NEK9: variants seen among roughly 807,000 people sequenced by gnomAD.
The protein encoded by NEK9 is NIMA related kinase 9.
NEK9 carries 75 observed loss-of-function variants against 123.4 expected under a neutral mutation model. The ratio of observed to expected loss-of-function variants is 0.61; its 90% confidence interval spans 0.50 to 0.74. NEK9 has a LOEUF of 0.74. Ranked by LOEUF, NEK9 falls within the 30% of genes least tolerant of loss-of-function variation. The pLI, the probability that NEK9 is intolerant of heterozygous loss-of-function variation, is 0.00. For missense variants in NEK9, 952 were observed against 1,214.4 expected, an observed-to-expected ratio of 0.78 and a Z score of 3.21; for synonymous variants, 438 against 458.7, an observed-to-expected ratio of 0.95 and a Z score of 0.58.
At chr14:75,097,377 C>T in intron 16 of NEK9, 107 bp from the exon 17 acceptor site, 1 of 924,880 alleles carries the variant, frequency 1.1e-6, no homozygotes. Context: ...CCACTATGTA[C>T]TAAACAAGGG....
At chr14:75,092,583 A>G (rs1005790117) in intron 18 of NEK9, among the ~76,000 whole-genome samples, 2 of 152,224 alleles carry the variant, frequency 1.3e-5, no homozygotes, top group African/African-American at 4.8e-5. Flanking sequence ...TCAAAATTTA[A>G]TGTGAATATT....
At chr14:75,106,458 T>C (rs934797830) in intron 12 of NEK9, 44 bp downstream of exon 12, 1 of 1,603,516 alleles carries the variant, frequency 6.2e-7, no homozygotes, top group Non-Finnish European at 8.5e-7. Context: ...TGAAGTCAGG[T>C]TGTATACCTG....
At position 75,084,382 on chromosome 14, in the gene NEK9, C is replaced by A; in HGVS notation, c.*182G>T. 1 of 713,380 alleles carries A rather than the reference C, an allele frequency of 1.4e-6. No homozygotes were observed. Among genetic ancestry groups the A allele is most frequent in the Non-Finnish European group, 2.4e-6 (1 of 423,384 alleles). 44.2% of individuals were successfully genotyped at this position (713,380 alleles called of 1,614,324 possible). ...ATTCTCCAAAACAATAAAATCACTC[C>A]TAGATCCTATCTAAAAGGCAATGCC... On this transcript the variant is annotated 3_prime_UTR_variant, in exon 22 of 22. Coordinates refer to ENST00000238616, the MANE Select transcript of NEK9 (RefSeq NM_033116.6).
At chr14:75,094,988 G>A (rs1341041667) in intron 18 of NEK9, among the ~76,000 whole-genome samples, 1 of 152,062 alleles carries the variant, frequency 6.6e-6, no homozygotes, top group Non-Finnish European at 1.5e-5. Context: ...AAGTTTAGCC[G>A]AGTTTTATTC....
chr14:75,083,220 A>G lies in NEK9; in HGVS notation c.*1344T>C. 1 of 397,678 alleles carries G rather than the reference A, an allele frequency of 2.5e-6. No individual in the cohort carries two copies. The highest frequency in any genetic ancestry group is 4.4e-6 in the Non-Finnish European group (1 of 225,928). The allele number at this position is 397,678 out of a possible 1,614,324, so 24.6% of individuals were successfully genotyped here. A position where few individuals can be genotyped will look rare whatever the true frequency, so the allele number is the denominator to read the frequency against. Reference sequence around the variant, plus strand: ...ATCAAAGGTAGGATGTGTGACACAAAATACCACAGGAACATTTTACAAGGC... The same window carrying G: ...ATCAAAGGTAGGATGTGTGACACAAGATACCACAGGAACATTTTACAAGGC... On this transcript the variant is annotated 3_prime_UTR_variant, in exon 22 of 22. Transcript: ENST00000238616.
intron 2 of NEK9, among the ~76,000 whole-genome samples, chr14:75,123,832 A>G (rs1202946727): frequency 6.6e-6 from 1 of 152,242 alleles, no homozygotes; most frequent in African/African-American, 2.4e-5. Context: ...AACTGTAATC[A>G]CAAGAGAAAA....
At chr14:75,089,702 AT>A (rs781617599) in intron 19 of NEK9, among the ~76,000 whole-genome samples, 277 of 137,116 alleles carry the variant, frequency 2.0e-3, no homozygotes, top group Middle Eastern at 3.9e-3. Context: ...TGCCCAGCTA[AT>A]TTTTTTTTTT....
intron 19 of NEK9, among the ~76,000 whole-genome samples, chr14:75,090,458 T>C (rs1894178556): frequency 6.6e-6 from 1 of 152,180 alleles, no homozygotes; most frequent in African/African-American, 2.4e-5. Flanking sequence ...CTTTTGTGTG[T>C]TACATATTTC....
chr14:75,107,290 G>C, intron 11 of NEK9, 53 bp downstream of exon 11: 1 of 1,579,584 alleles, frequency 6.3e-7, no homozygotes, highest in Non-Finnish European at 8.6e-7. Flanking sequence ...ACAGCATTAA[G>C]CAAAATACCC....
intron 13 of NEK9, among the ~76,000 whole-genome samples, chr14:75,105,290 CTAAAA>C (rs1375888133): frequency 6.6e-6 from 1 of 151,110 alleles, no homozygotes; most frequent in Non-Finnish European, 1.5e-5. Context: ...ACTGGTTTGG[CTAAAA>C]GTTCCCAAGG....
At chr14:75,085,066 T>C (rs1229633279) in intron 21 of NEK9, 1 of 207,620 alleles carries the variant, frequency 4.8e-6, no homozygotes, top group Non-Finnish European at 1.0e-5. Flanking sequence ...AGTGCAGTGG[T>C]GTGATCACGG....
chr14:75,120,424 A>C (rs1416196788), intron 4 of NEK9, 86 bp downstream of exon 4: 1 of 864,684 alleles, frequency 1.2e-6, no homozygotes, highest in Admixed American at 2.4e-5. Flanking sequence ...CTTAACCAAG[A>C]AAATAAAAGT....
chr14:75,125,402 GACA>G (rs1485968966), intron 1 of NEK9, among the ~76,000 whole-genome samples: 2 of 152,092 alleles, frequency 1.3e-5, no homozygotes, highest in Non-Finnish European at 2.9e-5. Flanking sequence ...TGGTGATATG[GACA>G]ACGCTATGCA....
chr14:75,085,659 T>A (rs371392309), intron 21 of NEK9, among the ~76,000 whole-genome samples: 4 of 152,156 alleles, frequency 2.6e-5, no homozygotes, highest in Admixed American at 6.5e-5. Flanking sequence ...ACAAGACAAA[T>A]CTAGAATGTG....
At chr14:75,088,401 G>C in intron 20 of NEK9, 79 bp downstream of exon 20, 1 of 1,451,814 alleles carries the variant, frequency 6.9e-7, no homozygotes, top group Non-Finnish European at 9.5e-7. Context: ...CCAAAAGCTA[G>C]AGCGAGGCCA....
chr14:75,123,020 C>T (rs114053410), intron 2 of NEK9, among the ~76,000 whole-genome samples: 169 of 151,986 alleles, frequency 1.1e-3, no homozygotes, highest in African/African-American at 3.7e-3. Flanking sequence ...TCCTCAAACT[C>T]CTATGCTCAA....
intron 19 of NEK9, among the ~76,000 whole-genome samples, chr14:75,089,260 ACT>A (rs1336104479): frequency 1.8e-4 from 28 of 151,462 alleles, no homozygotes; most frequent in Non-Finnish European, 7.4e-5. Context: ...ACAGAATCTC[ACT>A]CTGTCACCAG....
intron 18 of NEK9, 169 bp from the exon 19 acceptor site, chr14:75,091,647 T>C (rs1023178253): frequency 4.7e-5 from 23 of 485,458 alleles, no homozygotes; most frequent in Non-Finnish European, 7.0e-5. Context: ...ATACAAACTA[T>C]GTTTTGTAAT....
intron 17 of NEK9, chr14:75,096,828 A>C (rs1177203583): frequency 1.2e-5 from 3 of 249,524 alleles, no homozygotes; most frequent in Non-Finnish European, 1.4e-5. Flanking sequence ...CAAAAAAAAG[A>C]CAAAAAAAAA....
Sources: allele counts gnomAD v4.1 joint callset (sites outside exome capture counted in the v4.1 genomes callset), GRCh38; gene constraint gnomAD v4.1.1; transcripts MANE v1.5; gene names NCBI Gene and HGNC (gene_info 2026-07-23, HGNC 2026-07-21).